LPAR3: variants seen among roughly 807,000 people sequenced by gnomAD.
LPAR3 encodes LPA receptor 3.
Under a neutral mutation model 17.8 loss-of-function variants are expected in LPAR3, and 7 were observed. The ratio of observed to expected loss-of-function variants is 0.39; its 90% CI spans 0.22 to 0.74. LPAR3 has a LOEUF of 0.74. Among genes scored for constraint, LPAR3 ranks in the 30% least tolerant of loss-of-function variants. The pLI is 0.40. For missense variants in LPAR3, 391 were observed against 453.4 expected (o/e 0.86, Z 1.25); for synonymous variants, 179 against 179.9 (o/e 0.99, Z 0.04).
intron 2 of LPAR3, among the ~76,000 whole-genome samples, chr1:84,829,152 ATTTTTTTT>A (rs56095946): frequency 1.0e-3 from 57 of 55,550 alleles, no homozygotes; most frequent in Non-Finnish European, 1.4e-3. Context: ...CCTCTCTGCA[ATTTTTTTT>A]TTTTTTTTTT....
chr1:84,874,818 C>A (rs566721096), intron 1 of LPAR3, among the ~76,000 whole-genome samples: 40 of 151,948 alleles, frequency 2.6e-4, no homozygotes, highest in Middle Eastern at 6.8e-3. Flanking sequence ...TGGACATGGT[C>A]TATTATACAG....
intron 2 of LPAR3, among the ~76,000 whole-genome samples, chr1:84,817,412 G>A (rs1658958001): frequency 6.6e-6 from 1 of 152,070 alleles, no homozygotes; most frequent in South Asian, 2.1e-4. Context: ...GAGGACTTAT[G>A]TTTAACTGCT....
chr1:84,878,387 T>C (rs1660296600), intron 1 of LPAR3, among the ~76,000 whole-genome samples: 1 of 152,118 alleles, frequency 6.6e-6, no homozygotes. Context: ...TGCAGACACT[T>C]CCAGACTTGG....
At chr1:84,833,585 G>A (rs770651178) in intron 2 of LPAR3, among the ~76,000 whole-genome samples, 15 of 152,192 alleles carry the variant, frequency 9.9e-5, no homozygotes, top group Admixed American at 2.6e-4. Context: ...GGTCAGAGGG[G>A]CAAATGGCAC....
At chr1:84,831,595 TACTC>T (rs1442228517) in intron 2 of LPAR3, among the ~76,000 whole-genome samples, 3 of 151,982 alleles carry the variant, frequency 2.0e-5, no homozygotes, top group Non-Finnish European at 2.9e-5. Context: ...CATTTTGACT[TACTC>T]ATCTCATTTG....
chr1:84,848,216 T>C (rs1439281800), intron 2 of LPAR3, among the ~76,000 whole-genome samples: 1 of 152,240 alleles, frequency 6.6e-6, no homozygotes, highest in East Asian at 1.9e-4. Context: ...GTGTTGTCCA[T>C]CTGGATGTGG....
chr1:84,823,319 C>A (rs1048883558), intron 2 of LPAR3, among the ~76,000 whole-genome samples: 2 of 152,132 alleles, frequency 1.3e-5, no homozygotes, highest in African/African-American at 4.8e-5. Context: ...AATTCATATT[C>A]ATTTAGCATT....
intron 2 of LPAR3, among the ~76,000 whole-genome samples, chr1:84,850,393 C>CAAAAAAAAAAAAAAAAAAAAAAA (rs561506398): frequency 5.2e-4 from 20 of 38,670 alleles, no homozygotes; most frequent in East Asian, 9.5e-4. Context: ...TCTGTCTCTA[C>CAAAAAAAAAAAAAAAAAAAAAAA]AAAAAAAAAA....
intron 1 of LPAR3, among the ~76,000 whole-genome samples, chr1:84,874,319 G>A (rs1660215195): frequency 6.6e-6 from 1 of 152,214 alleles, no homozygotes; most frequent in Non-Finnish European, 1.5e-5. Flanking sequence ...TCTTGTGTCA[G>A]TGCAAGTTTT....
chr1:84,858,499 A>C (rs781453952), intron 2 of LPAR3, among the ~76,000 whole-genome samples: 6,230 of 151,730 alleles, frequency 0.041, 165 homozygotes, highest in Middle Eastern at 0.079. Flanking sequence ...AAAAAAAAAA[A>C]AAAAACCTAA....
At chr1:84,816,359 GAA>G (rs1276811272) in intron 2 of LPAR3, among the ~76,000 whole-genome samples, 2 of 152,160 alleles carry the variant, frequency 1.3e-5, no homozygotes, top group East Asian at 1.9e-4. Flanking sequence ...TTCCTACTTG[GAA>G]AAGAGTTCAG....
chr1:84,855,433 T>C (rs1219494371), intron 2 of LPAR3, among the ~76,000 whole-genome samples: 1 of 152,172 alleles, frequency 6.6e-6, no homozygotes, highest in Non-Finnish European at 1.5e-5. Context: ...GGCTGGGTGT[T>C]GGCAGGAGGG....
chr1:84,889,116 A>T lies in LPAR3; in HGVS notation c.-19+3900T>A, dbSNP rs548351054. On this transcript the variant is annotated intron_variant, in intron 1 of 2. Coordinates refer to ENST00000370611, the MANE Select transcript of LPAR3 (RefSeq NM_012152.3). ...GGCCAGCCAAGGAAGAGGAATAAAGAGGAGGACATAAGACTGGGGGTGATG... is the reference window on the plus strand; with the variant it reads ...GGCCAGCCAAGGAAGAGGAATAAAGTGGAGGACATAAGACTGGGGGTGATG... Among the ~76,000 whole-genome samples the T allele has an allele frequency of 4.6e-5, 7 of 152,096 alleles. No individual in the cohort carries two copies. In the East Asian group the frequency reaches 1.4e-3, roughly 29 times the overall value.
At chr1:84,833,105 C>T (rs754026622) in intron 2 of LPAR3, among the ~76,000 whole-genome samples, 2 of 152,154 alleles carry the variant, frequency 1.3e-5, no homozygotes, top group African/African-American at 4.8e-5. Context: ...CAGGAGAAAT[C>T]AAACACCCTA....
chr1:84,859,021 G>A (rs181049653), intron 2 of LPAR3, among the ~76,000 whole-genome samples: 3 of 152,276 alleles, frequency 2.0e-5, no homozygotes, highest in African/African-American at 7.2e-5. Flanking sequence ...AGACAAAATG[G>A]GGGAAGCGCA....
intron 1 of LPAR3, among the ~76,000 whole-genome samples, chr1:84,881,280 C>A (rs1260113946): frequency 1.3e-5 from 2 of 152,146 alleles, no homozygotes; most frequent in Admixed American, 6.6e-5. Context: ...GGGTCAGATG[C>A]AGGCGCATCA....
At chr1:84,872,858 A>T (rs1392951636) in intron 1 of LPAR3, among the ~76,000 whole-genome samples, 1 of 152,196 alleles carries the variant, frequency 6.6e-6, no homozygotes, top group African/African-American at 2.4e-5. Context: ...CAACATCAAC[A>T]GTGATAAGTC....
chr1:84,824,733 C>T (rs138973971), intron 2 of LPAR3, among the ~76,000 whole-genome samples: 1 of 152,282 alleles, frequency 6.6e-6, no homozygotes, highest in Non-Finnish European at 1.5e-5. Context: ...ACTTCCTCTG[C>T]TGTCCTTCTT....
chr1:84,865,187 T>G (rs1557603429), intron 2 of LPAR3, among the ~76,000 whole-genome samples, 198 bp downstream of exon 2: 1 of 152,178 alleles, frequency 6.6e-6, no homozygotes, highest in Non-Finnish European at 1.5e-5. Context: ...TTATTTCACT[T>G]AATTTGTTTA....
Sources: allele counts gnomAD v4.1 joint callset (sites outside exome capture counted in the v4.1 genomes callset), GRCh38; gene constraint gnomAD v4.1.1; transcripts MANE v1.5; gene names NCBI Gene and HGNC (gene_info 2026-07-23, HGNC 2026-07-21).